Variants in DLC1 observed in about 807,000 individuals in gnomAD.
DLC1 encodes rho GTPase-activating protein 7.
A neutral mutation model predicts 140.3 loss-of-function variants in DLC1; 54 were observed. The ratio of observed to expected loss-of-function variants is 0.38; its 90% CI spans 0.31 to 0.48. The LOEUF (loss-of-function observed/expected upper bound fraction) is 0.48. Among genes scored for constraint, DLC1 ranks in the 20% least tolerant of loss-of-function variants. DLC1 has a pLI of 0.96. For missense variants in DLC1, 2,536 were observed against 1,907.0 expected, an observed-to-expected ratio of 1.33 and a Z score of -6.14; for synonymous variants, 986 against 728.1, an observed-to-expected ratio of 1.35 and a Z score of -5.70.
chr8:13,341,577 A>G (rs1366342877), intron 4 of DLC1: 6 of 152,214 alleles, frequency 3.9e-5, no homozygotes, highest in Non-Finnish European at 8.8e-5. Flanking sequence ...CAGGTGGCCC[A>G]GATGGGAGAA....
At chr8:13,197,334 T>A (rs890938491) in intron 5 of DLC1, among the ~76,000 whole-genome samples, 2 of 152,158 alleles carry the variant, frequency 1.3e-5, no homozygotes, top group African/African-American at 4.8e-5. Flanking sequence ...TATTTTATTT[T>A]TTTTTAATTT....
chr8:13,245,444 G>T (rs898155575), intron 5 of DLC1, among the ~76,000 whole-genome samples: 2 of 152,188 alleles, frequency 1.3e-5, no homozygotes, highest in Admixed American at 1.3e-4. Context: ...TTTTGAGGTG[G>T]TTTTGCAGCA....
chr8:13,086,369 C>T lies in DLC1; in HGVS notation c.4387G>A (p.Val1463Met). The T allele has an allele frequency of 6.2e-7, 1 of 1,614,228 alleles. No individual in the cohort carries two copies. Among genetic ancestry groups the T allele is most frequent in the South Asian group, 1.1e-5 (1 of 91,088 alleles). ...RAPVVGVRVN[V>M]LLSRYLIEPC... The stretch of plus-strand genomic sequence containing the variant: ...TCAATCAAATACCTGGACAAGAGCA[C>T]ATTAACCCTCACACCCACCACAGGT... Residue 1463 changes from valine (V) to methionine (M), a missense_variant, in exon 17 of 18, where the codon GTG becomes ATG. By Grantham distance (21) the Val-to-Met change is conservative. Coordinates refer to ENST00000276297, the MANE Select transcript of DLC1 (RefSeq NM_182643.3).
At chr8:13,567,278 C>G in intron 1 of DLC1, 1 of 1,551,678 alleles carries the variant, frequency 6.4e-7, no homozygotes, top group Admixed American at 2.0e-5. Flanking sequence ...CTCAAAGACT[C>G]TAACTTTGAA....
intron 5 of DLC1, among the ~76,000 whole-genome samples, chr8:13,265,039 A>G (rs570809277): frequency 6.6e-6 from 1 of 152,328 alleles, no homozygotes; most frequent in East Asian, 1.9e-4. Flanking sequence ...TGACCTTCAG[A>G]GCTCAATTTG....
At chr8:13,375,760 G>A (rs1382553399) in intron 4 of DLC1, among the ~76,000 whole-genome samples, 2 of 147,982 alleles carry the variant, frequency 1.4e-5, no homozygotes, top group East Asian at 1.9e-4. Flanking sequence ...GATGAGAAAG[G>A]AATCATTTAT....
chr8:13,431,964 T>C (rs1004689333), intron 2 of DLC1, among the ~76,000 whole-genome samples: 4 of 152,244 alleles, frequency 2.6e-5, no homozygotes, highest in African/African-American at 7.2e-5. Context: ...TAGAAATTCA[T>C]ATGTGACATT....
At chr8:13,199,013 G>A (rs186987984) in intron 5 of DLC1, among the ~76,000 whole-genome samples, 6 of 152,020 alleles carry the variant, frequency 3.9e-5, no homozygotes, top group African/African-American at 1.2e-4. Flanking sequence ...CACCGTGTCC[G>A]GCCTAGCATG....
chr8:13,305,320 A>G lies in DLC1; in HGVS notation c.1315-18T>C, dbSNP rs767221570. The G allele has an allele frequency of 6.3e-7, 1 of 1,582,924 alleles. No individual in the cohort carries two copies. Among genetic ancestry groups the G allele is most frequent in the South Asian group, 1.2e-5 (1 of 83,422 alleles). On this transcript the variant is annotated intron_variant, in intron 4 of 17. Transcript: ENST00000276297. ...TGAATAGCCTGAAAAAAAAGACACA[A>G]AAATTGTGGTATTATTAGGAAGAAA... is the stretch of plus-strand genomic sequence containing the variant.
chr8:13,516,091 T>C (rs1205059842), upstream of DLC1, among the ~76,000 whole-genome samples: 1 of 152,178 alleles, frequency 6.6e-6, no homozygotes, highest in Non-Finnish European at 1.5e-5. Flanking sequence ...TTGGTGGAAA[T>C]GGCTCAGTCA....
At position 13,330,311 on chromosome 8, in the gene DLC1, A is replaced by G. The variant is rs1388253274; in HGVS notation, c.1315-25009T>C. Reference sequence around the variant, plus strand: ...TGCCTTTGGCTGGTTGACTCATCTGATATCAAAATAACCCAGCACAACCTG... The same window carrying G: ...TGCCTTTGGCTGGTTGACTCATCTGGTATCAAAATAACCCAGCACAACCTG... On this transcript the variant is annotated intron_variant, in intron 4 of 17. Coordinates refer to ENST00000276297, the MANE Select transcript of DLC1 (RefSeq NM_182643.3). Among the ~76,000 whole-genome samples, 3 of 152,160 alleles carry G rather than the reference A, an allele frequency of 2.0e-5. No individual in the cohort carries two copies. The East Asian group carries it at 5.8e-4, about 29-fold the overall frequency.
chr8:13,393,698 T>TA lies in DLC1; in HGVS notation c.1174-6dup. 6.2e-7 allele frequency: 1 copy of TA among 1,611,524 alleles called. No homozygotes were observed. The highest frequency in any genetic ancestry group is 8.5e-7 in the Non-Finnish European group (1 of 1,179,174). On this transcript the variant is annotated splice_polypyrimidine_tract_variant and splice_region_variant and intron_variant, in intron 3 of 17. Transcript: ENST00000276297. ...TTCAGATCCTGATTCCAGATCCTAT[T>TA]AAAAAACAAATGCACTGGTATGAAG...
rs764376441 is a variant in DLC1, at chr8:13,567,961, A to G, written c.-126+36576T>C. On this transcript the variant is annotated intron_variant, in intron 1 of 1. Transcript: ENST00000631382. The stretch of plus-strand genomic sequence containing the variant: ...TAATGATAATGTGTAATGTGGATAG[A>G]TGTCTTTGTTGTGTATTTGAGTAAT... 23 of 1,525,040 alleles carry G rather than the reference A, an allele frequency of 1.5e-5. No individual in the cohort carries two copies. In the African/African-American group the frequency reaches 2.5e-4, roughly 17 times the overall value. The allele number at this position is 1,525,040 out of a possible 1,614,324, so 94.5% of individuals were successfully genotyped here.
At chr8:13,531,706 G>C (rs1216280348) in intron 1 of DLC1, among the ~76,000 whole-genome samples, 2 of 152,100 alleles carry the variant, frequency 1.3e-5, no homozygotes, top group African/African-American at 2.4e-5. Context: ...AAATTTCCTG[G>C]GGGAAAGTCA....
At position 13,567,293 on chromosome 8, in the gene DLC1, A is replaced by C. The variant is rs1208349001; in HGVS notation, c.-126+37244T>G. The C allele has an allele frequency of 1.9e-6, 3 of 1,551,668 alleles. No homozygotes were observed. In the African/African-American group the frequency reaches 4.1e-5, roughly 21 times the overall value. ...CTCAAAGACTCTAACTTTGAACGGC[A>C]CCAACCAGACACCAAACTTCCAACA... On this transcript the variant is annotated intron_variant, in intron 1 of 1. Transcript: ENST00000631382.
chr8:13,218,491 A>C (rs1400594376), intron 5 of DLC1, among the ~76,000 whole-genome samples: 2 of 152,070 alleles, frequency 1.3e-5, no homozygotes, highest in African/African-American at 4.8e-5. Flanking sequence ...ACATTTTCCA[A>C]AGATGATAAT....
intron 4 of DLC1, among the ~76,000 whole-genome samples, chr8:13,377,601 C>T (rs1456462970): frequency 6.6e-6 from 1 of 152,060 alleles, no homozygotes; most frequent in South Asian, 2.1e-4. Flanking sequence ...CAAATATTCC[C>T]TTATCTATAC....
rs1376401991 is a variant in DLC1, at chr8:13,276,394, C to A, written c.1348+28875G>T. 7 of 1,487,884 alleles carry A rather than the reference C, an allele frequency of 4.7e-6. No individual in the cohort carries two copies. The South Asian group carries it at 8.8e-5, about 19-fold the overall frequency. 92.2% of individuals were successfully genotyped at this position (1,487,884 alleles called of 1,614,324 possible). On this transcript the variant is annotated intron_variant, in intron 5 of 17. Coordinates refer to ENST00000276297, the MANE Select transcript of DLC1 (RefSeq NM_182643.3). The stretch of plus-strand genomic sequence containing the variant: ...CGCGCCATCACGTGGGCCTTGGGGT[C>A]CCCCATCCGCTCGCAGACGCCTTCA...
chr8:13,329,074 T>C (rs1833486969), intron 4 of DLC1, among the ~76,000 whole-genome samples: 1 of 152,152 alleles, frequency 6.6e-6, no homozygotes, highest in Non-Finnish European at 1.5e-5. Context: ...ATTCATCCAA[T>C]TCATTATTTG....
Sources: gnomAD v4.1 joint callset for allele counts (sites outside exome capture counted in the v4.1 genomes callset) on GRCh38, gnomAD v4.1.1 for gene constraint, MANE v1.5 for transcripts, NCBI Gene and HGNC (gene_info 2026-07-23, HGNC 2026-07-21) for gene names.